Variants in MMP16 observed in about 807,000 individuals in gnomAD.
The protein encoded by MMP16 is matrix metalloproteinase-16.
MMP16 carries 12 observed loss-of-function variants against 67.8 expected under a neutral mutation model. The ratio of observed to expected loss-of-function variants is 0.18; its 90% CI spans 0.11 to 0.29. MMP16 has a LOEUF of 0.29. MMP16 is among the 10% of genes least tolerant of loss of function. The pLI, the probability that MMP16 is intolerant of heterozygous loss-of-function variation, is 1.00. For synonymous variants in MMP16, 249 were observed against 255.9 expected (o/e 0.97, Z 0.26); for missense variants, 475 against 765.7 (o/e 0.62, Z 4.48).
At chr8:88,098,449 C>T (rs1809072097) in intron 6 of MMP16, among the ~76,000 whole-genome samples, 3 of 151,940 alleles carry the variant, frequency 2.0e-5, no homozygotes, top group Non-Finnish European at 4.4e-5. Flanking sequence ...CAGTCCCTAC[C>T]CTATGATCCA....
intron 1 of MMP16, among the ~76,000 whole-genome samples, chr8:88,218,517 G>C (rs922562139): frequency 6.6e-6 from 1 of 151,960 alleles, no homozygotes; most frequent in African/African-American, 2.4e-5. Flanking sequence ...AACTATGCCA[G>C]GTGATAGATA....
At chr8:88,322,717 T>A (rs1265766151) in intron 1 of MMP16, among the ~76,000 whole-genome samples, 1 of 151,794 alleles carries the variant, frequency 6.6e-6, no homozygotes, top group Non-Finnish European at 1.5e-5. Flanking sequence ...TGGTGGTATG[T>A]GCCTGTAGTG....
intron 4 of MMP16, among the ~76,000 whole-genome samples, chr8:88,163,976 A>G (rs958507500): frequency 2.0e-5 from 3 of 152,106 alleles, no homozygotes; most frequent in Non-Finnish European, 2.9e-5. Flanking sequence ...TAATAAAACT[A>G]TTTTGTAATT....
chr8:88,113,919 A>G (rs1361228594), intron 6 of MMP16, among the ~76,000 whole-genome samples: 1 of 152,024 alleles, frequency 6.6e-6, no homozygotes, highest in East Asian at 1.9e-4. Context: ...TTCAAAATAT[A>G]GTTGAAAGTC....
At chr8:88,042,498 C>T (rs1325027189) in intron 9 of MMP16, among the ~76,000 whole-genome samples, 2 of 152,076 alleles carry the variant, frequency 1.3e-5, no homozygotes, top group African/African-American at 4.8e-5. Flanking sequence ...GTTCCTTCTC[C>T]TTTTGTCCTC....
intron 4 of MMP16, among the ~76,000 whole-genome samples, chr8:88,141,626 A>C (rs1373442269): frequency 1.3e-5 from 2 of 152,164 alleles, no homozygotes; most frequent in Non-Finnish European, 2.9e-5. Context: ...TGATGATTAA[A>C]TAAAAATTCA....
intron 1 of MMP16, among the ~76,000 whole-genome samples, chr8:88,210,518 G>T (rs1809497184): frequency 6.6e-6 from 1 of 152,034 alleles, no homozygotes; most frequent in Non-Finnish European, 1.5e-5. Flanking sequence ...TTACTACCCG[G>T]TTATTTACCA....
chr8:88,250,102 G>A lies in MMP16; in HGVS notation c.133-52796C>T, dbSNP rs554280769. 2.0e-5 allele frequency among the ~76,000 whole-genome samples: 3 copies of A among 152,124 alleles called. No individual in the cohort carries two copies. In the South Asian group the frequency reaches 6.2e-4, roughly 32 times the overall value. On this transcript the variant is annotated intron_variant, in intron 1 of 9. Coordinates refer to ENST00000286614, the MANE Select transcript of MMP16 (RefSeq NM_005941.5). The stretch of plus-strand genomic sequence containing the variant: ...CCACCAGAAATATGTTCTAGCTGTA[G>A]AGAACTCTTATCCCATTTGTAAATT...
chr8:88,107,281 T>A (rs1002693313), intron 6 of MMP16, among the ~76,000 whole-genome samples: 18 of 151,208 alleles, frequency 1.2e-4, no homozygotes, highest in African/African-American at 4.1e-4. Context: ...GCTATTTTTA[T>A]TAGCCATTTT....
chr8:88,164,797 A>T (rs1210228092), intron 4 of MMP16, among the ~76,000 whole-genome samples: 3 of 151,816 alleles, frequency 2.0e-5, no homozygotes, highest in African/African-American at 7.2e-5. Flanking sequence ...GTTAGGACAC[A>T]TATTTAACAT....
chr8:88,220,870 A>C (rs1809671498), intron 1 of MMP16, among the ~76,000 whole-genome samples: 1 of 152,084 alleles, frequency 6.6e-6, no homozygotes, highest in Non-Finnish European at 1.5e-5. Context: ...TAGAAGATTG[A>C]GTATATGTAT....
At chr8:88,222,838 G>A (rs1335232759) in intron 1 of MMP16, among the ~76,000 whole-genome samples, 2 of 152,272 alleles carry the variant, frequency 1.3e-5, no homozygotes, top group South Asian at 2.1e-4. Context: ...AGCCAAAACA[G>A]ACAAATGGGA....
chr8:88,078,804 G>A (rs1808696230), intron 6 of MMP16, among the ~76,000 whole-genome samples: 1 of 152,202 alleles, frequency 6.6e-6, no homozygotes. Context: ...ATCTACAAAT[G>A]TGTCACATGT....
chr8:88,069,457 G>T (rs975164412), intron 7 of MMP16: 2 of 531,858 alleles, frequency 3.8e-6, no homozygotes, highest in Non-Finnish European at 7.7e-6. Flanking sequence ...CTTTGTTCTA[G>T]AATCCATTTC....
chr8:88,168,039 C>G, intron 3 of MMP16, 66 bp from the exon 4 acceptor site: 1 of 1,242,442 alleles, frequency 8.0e-7, no homozygotes, highest in Non-Finnish European at 1.1e-6. Flanking sequence ...AGGTTTTGAT[C>G]GATTCAGTTA....
Position 88,186,937 on chromosome 8 carries a change from T to A in MMP16, c.282-339A>T, listed in dbSNP as rs190563229. Among the ~76,000 whole-genome samples, 49 of 152,300 alleles carry A rather than the reference T, an allele frequency of 3.2e-4. 2 individuals carry two copies. Among genetic ancestry groups the A allele is most frequent in the Admixed American group, 3.1e-3 (47 of 15,296 alleles). The stretch of plus-strand genomic sequence containing the variant: ...AACAAGGTATATAATCTTGGGCAAG[T>A]CTTTAATTCCTAGTGCTACTCATAA... On this transcript the variant is annotated intron_variant, in intron 2 of 9. Transcript: ENST00000286614.
At chr8:88,049,352 T>A (rs1269970943) in intron 8 of MMP16, among the ~76,000 whole-genome samples, 1 of 152,214 alleles carries the variant, frequency 6.6e-6, no homozygotes, top group African/African-American at 2.4e-5. Flanking sequence ...CTGAATATTC[T>A]TCTCCCACAG....
intron 3 of MMP16, 121 bp downstream of exon 3, chr8:88,186,355 G>C: frequency 7.6e-7 from 1 of 1,309,856 alleles, no homozygotes; most frequent in South Asian, 1.5e-5. Context: ...AATCTCTTAT[G>C]TTAACATTAT....
At chr8:88,175,733 AT>A (rs1808876970) in intron 3 of MMP16, among the ~76,000 whole-genome samples, 2 of 152,034 alleles carry the variant, frequency 1.3e-5, no homozygotes, top group South Asian at 4.1e-4. Flanking sequence ...CCCAAATCTC[AT>A]TTTGAATTGT....
Sources: gnomAD v4.1 joint callset for allele counts (sites outside exome capture counted in the v4.1 genomes callset) on GRCh38, gnomAD v4.1.1 for gene constraint, MANE v1.5 for transcripts, NCBI Gene and HGNC (gene_info 2026-07-23, HGNC 2026-07-21) for gene names.